Variants in FRMPD4 observed in about 807,000 individuals in gnomAD.
FRMPD4 encodes the protein FERM and PDZ domain containing 4.
A neutral mutation model predicts 94.1 loss-of-function variants in FRMPD4; 22 were observed. That is an observed-to-expected ratio of 0.23 (90% CI 0.17 to 0.33). The LOEUF is 0.33. Among genes scored for constraint, FRMPD4 ranks in the 10% least tolerant of loss-of-function variants. The pLI, the probability that FRMPD4 is intolerant of heterozygous loss-of-function variation, is 1.00. For synonymous variants in FRMPD4, 631 were observed against 548.6 expected, an observed-to-expected ratio of 1.15 and a Z score of -2.10; for missense variants, 1,111 against 1,339.9, an observed-to-expected ratio of 0.83 and a Z score of 2.67.
Position 12,091,257 on chromosome X carries a change from T to TA in FRMPD4, c.95+213239_95+213240insA, listed in dbSNP as rs1205727351. ...AGTGATAAGCAGCTGAACTAGGATTTTAAAAAAAAGCAGTCTGCCTCCAGA... is the reference window on the plus strand; with the variant it reads ...AGTGATAAGCAGCTGAACTAGGATTTATAAAAAAAAGCAGTCTGCCTCCAGA... On this transcript the variant is annotated intron_variant, in intron 3 of 18. Transcript: ENST00000640291. Among the ~76,000 whole-genome samples the TA allele has an allele frequency of 1.2e-3, 104 of 83,490 alleles. No homozygotes were observed. In the Middle Eastern group the frequency reaches 0.022, roughly 17 times the overall value. The allele number at this position is 83,490 out of a possible 115,157, so 72.5% of individuals were successfully genotyped here.
chrX:12,222,838 C>T (rs1032636073), intron 1 of FRMPD4, among the ~76,000 whole-genome samples: 1 of 111,913 alleles, frequency 8.9e-6, no homozygotes, highest in East Asian at 2.8e-4. Flanking sequence ...CTTTTTATTG[C>T]TTAGTAGTAT....
chrX:12,030,620 G>A (rs768309775), intron 3 of FRMPD4, among the ~76,000 whole-genome samples: 1 of 112,202 alleles, frequency 8.9e-6, no homozygotes, highest in South Asian at 3.7e-4. Flanking sequence ...TGTTACGAGA[G>A]GAACCTGAAC....
chrX:11,931,689 G>T (rs2054123011), intron 3 of FRMPD4, among the ~76,000 whole-genome samples: 1 of 112,471 alleles, frequency 8.9e-6, no homozygotes, highest in Admixed American at 9.5e-5. Context: ...CAGGGAAGGA[G>T]AAATAACTTC....
upstream of FRMPD4, among the ~76,000 whole-genome samples, chrX:12,134,910 A>T (rs2055584290): frequency 8.9e-6 from 1 of 112,220 alleles, no homozygotes; most frequent in South Asian, 3.7e-4. Context: ...ACTGGTGCCA[A>T]CTTCAAGTGC....
At chrX:12,234,306 A>ATG (rs971041160) in intron 1 of FRMPD4, among the ~76,000 whole-genome samples, 6 of 111,758 alleles carry the variant, frequency 5.4e-5, no homozygotes, top group Non-Finnish European at 1.1e-4. Context: ...GAGTGTGTGT[A>ATG]TGTGTGTGTG....
At chrX:12,539,297 C>A (rs2058377407) in intron 2 of FRMPD4, among the ~76,000 whole-genome samples, 2 of 111,593 alleles carry the variant, frequency 1.8e-5, no homozygotes, top group Admixed American at 1.9e-4. Flanking sequence ...GTGAAAGGAC[C>A]AAATCCACAT....
At chrX:12,361,353 A>C (rs1569245895) in intron 1 of FRMPD4, among the ~76,000 whole-genome samples, 1 of 112,480 alleles carries the variant, frequency 8.9e-6, no homozygotes, top group Non-Finnish European at 1.9e-5. Flanking sequence ...ATAAGCAATA[A>C]AATTGTCAAG....
chrX:12,653,599 T>TAATCAATCAATC, intron 4 of FRMPD4, among the ~76,000 whole-genome samples: 1 of 111,251 alleles, frequency 9.0e-6, no homozygotes, highest in Non-Finnish European at 1.9e-5. Context: ...TGAAAACCGC[T>TAATCAATCAATC]AATCAATCAA....
intron 1 of FRMPD4, among the ~76,000 whole-genome samples, chrX:12,178,653 G>A (rs776537378): frequency 8.9e-6 from 1 of 111,920 alleles, no homozygotes; most frequent in Non-Finnish European, 1.9e-5. Flanking sequence ...TGTTCTAGGA[G>A]TTGTGGATGC....
chrX:11,839,762 T>G (rs2147278180), intron 1 of FRMPD4, among the ~76,000 whole-genome samples: 1 of 111,433 alleles, frequency 9.0e-6, no homozygotes, highest in East Asian at 2.8e-4. Context: ...CTTTCTTTCT[T>G]TTTTCTTGTT....
intron 1 of FRMPD4, among the ~76,000 whole-genome samples, chrX:12,471,415 C>T (rs111369069): frequency 0.027 from 3,067 of 111,916 alleles, 114 homozygotes; most frequent in African/African-American, 0.094. Flanking sequence ...GAAACTGATA[C>T]AGTTTTAAAG....
At chrX:12,246,335 C>T (rs1477896650) in intron 1 of FRMPD4, among the ~76,000 whole-genome samples, 2 of 111,986 alleles carry the variant, frequency 1.8e-5, no homozygotes, top group Non-Finnish European at 3.8e-5. Flanking sequence ...GATTTTCCAC[C>T]ATATTCTGAT....
intron 3 of FRMPD4, among the ~76,000 whole-genome samples, chrX:12,103,895 T>C (rs1238040629): frequency 8.9e-6 from 1 of 111,984 alleles, no homozygotes; most frequent in African/African-American, 3.2e-5. Flanking sequence ...TAATTGCCTC[T>C]GTCTTAGTCT....
At chrX:11,993,270 AG>A (rs1278299729) in intron 3 of FRMPD4, among the ~76,000 whole-genome samples, 1 of 110,927 alleles carries the variant, frequency 9.0e-6, no homozygotes, top group Non-Finnish European at 1.9e-5. Flanking sequence ...ACAGGTTGTA[AG>A]CAAATCAGGG....
chrX:12,542,953 A>C (rs77246823), intron 2 of FRMPD4, among the ~76,000 whole-genome samples: 1 of 110,299 alleles, frequency 9.1e-6, no homozygotes, highest in South Asian at 3.8e-4. Flanking sequence ...CAACCATCTG[A>C]TCTTTGACAA....
At chrX:12,214,431 T>C (rs747732695) in intron 1 of FRMPD4, among the ~76,000 whole-genome samples, 4 of 112,511 alleles carry the variant, frequency 3.6e-5, no homozygotes, top group Non-Finnish European at 7.5e-5. Flanking sequence ...AAATCTGTTA[T>C]GATTTATACC....
intron 3 of FRMPD4, among the ~76,000 whole-genome samples, chrX:12,096,852 A>C (rs1041858715): frequency 1.2e-4 from 13 of 111,442 alleles, no homozygotes; most frequent in African/African-American, 4.2e-4. Flanking sequence ...ATGCCACTGC[A>C]CTCCAGCCTG....
Position 12,685,559 on chromosome X carries a change from T to TTTTTTGTTTTTG in FRMPD4, c.574-515_574-504dup, listed in dbSNP as rs10687187. 3.2e-3 allele frequency among the ~76,000 whole-genome samples: 331 copies of TTTTTTGTTTTTG among 104,429 alleles called. 1 individual carries two copies. Among genetic ancestry groups the TTTTTTGTTTTTG allele is most frequent in the African/African-American group, 8.2e-3 (232 of 28,339 alleles). 90.7% of individuals were successfully genotyped at this position (104,429 alleles called of 115,157 possible). On this transcript the variant is annotated intron_variant, in intron 6 of 16. Coordinates refer to ENST00000675598, the MANE Select transcript of FRMPD4 (RefSeq NM_001368397.1). ...CCTTATCTTTTCCCTTGGAGTTTTG[T>TTTTTTGTTTTTG]TTTTTGTTTTTGTTTTTGTTTTTGT... is the stretch of plus-strand genomic sequence containing the variant.
chrX:12,109,990 T>A (rs2055341451), intron 3 of FRMPD4, among the ~76,000 whole-genome samples: 1 of 111,659 alleles, frequency 9.0e-6, no homozygotes, highest in African/African-American at 3.3e-5. Context: ...CTACCAGAGA[T>A]ACAAGGAGGA....
Sources: gnomAD v4.1 joint callset for allele counts (sites outside exome capture counted in the v4.1 genomes callset) on GRCh38, gnomAD v4.1.1 for gene constraint, MANE v1.5 for transcripts, NCBI Gene and HGNC (gene_info 2026-07-23, HGNC 2026-07-21) for gene names.